The following IFT88 variants were observed in gnomAD, a reference collection of about 807,000 sequenced individuals.
IFT88 encodes the protein intraflagellar transport 88.
In IFT88, 74 loss-of-function variants were observed where a neutral mutation model predicts 119.5. The ratio of observed to expected loss-of-function variants is 0.62; its 90% confidence interval spans 0.51 to 0.75. The LOEUF is 0.75. Ranked by LOEUF, IFT88 falls within the 30% of genes least tolerant of loss-of-function variation. The probability of loss-of-function intolerance (pLI) is 0.00; values close to 1 mark genes in which losing one functional copy is unlikely to be tolerated. For missense variants in IFT88, 961 were observed against 977.7 expected, an observed-to-expected ratio of 0.98 and a Z score of 0.23; for synonymous variants, 279 against 316.7, an observed-to-expected ratio of 0.88 and a Z score of 1.26.
At chr13:20,683,988 C>T (rs2057610241) in intron 24 of IFT88, among the ~76,000 whole-genome samples, 1 of 152,212 alleles carries the variant, frequency 6.6e-6, no homozygotes, top group African/African-American at 2.4e-5. Flanking sequence ...ATCCTACCGT[C>T]CCCACTGGCA....
chr13:20,626,344 G>A (rs1408878980), intron 15 of IFT88, among the ~76,000 whole-genome samples: 1 of 152,114 alleles, frequency 6.6e-6, no homozygotes, highest in African/African-American at 2.4e-5. Flanking sequence ...ACAGGTGTGA[G>A]CCACCGCGCC....
chr13:20,655,580 A>G (rs1417792121), intron 21 of IFT88, among the ~76,000 whole-genome samples: 1 of 151,688 alleles, frequency 6.6e-6, no homozygotes, highest in Non-Finnish European at 1.5e-5. Flanking sequence ...TGCAACTTCC[A>G]CCTCCTGGGT....
chr13:20,604,381 GAT>G (rs1269632211), intron 12 of IFT88, among the ~76,000 whole-genome samples: 2 of 152,176 alleles, frequency 1.3e-5, no homozygotes, highest in African/African-American at 4.8e-5. Context: ...GGGGAGTAGA[GAT>G]ATGGATCATA....
intron 24 of IFT88, among the ~76,000 whole-genome samples, chr13:20,671,668 A>C (rs1193025776): frequency 6.6e-6 from 1 of 152,162 alleles, no homozygotes; most frequent in African/African-American, 2.4e-5. Context: ...TCAACAATCT[A>C]CCTTCTTTCT....
intron 20 of IFT88, among the ~76,000 whole-genome samples, chr13:20,651,513 G>A (rs907040100): frequency 6.0e-5 from 9 of 150,226 alleles, no homozygotes; most frequent in Admixed American, 2.7e-4. Flanking sequence ...TTATAGTAGC[G>A]AAAAGGTAGA....
chr13:20,593,535 CT>C lies in IFT88; in HGVS notation c.398+1139del, dbSNP rs906236460. ...AAATTGTAATTCTTTTTTTTTGTTT[CT>C]TTTTTTTATTTAAATTGTAATTCTT... On this transcript the variant is annotated intron_variant, in intron 7 of 25. Transcript: ENST00000351808. Among the ~76,000 whole-genome samples the C allele has an allele frequency of 4.0e-5, 6 of 150,812 alleles. No homozygotes were observed. The South Asian group carries it at 6.3e-4, about 16-fold the overall frequency.
intron 22 of IFT88, among the ~76,000 whole-genome samples, chr13:20,662,558 T>TA (rs1261427778): frequency 6.6e-6 from 1 of 152,204 alleles, no homozygotes; most frequent in Non-Finnish European, 1.5e-5. Flanking sequence ...GAAGGATGAG[T>TA]AATGAGTAAC....
chr13:20,579,009 G>A (rs1316749351), intron 2 of IFT88, among the ~76,000 whole-genome samples: 2 of 151,964 alleles, frequency 1.3e-5, no homozygotes, highest in African/African-American at 4.8e-5. Flanking sequence ...CTTTTGTATT[G>A]TTGTCTTTGA....
At chr13:20,663,674 G>T (rs1410982627) in intron 23 of IFT88, 70 bp downstream of exon 23, 1 of 1,066,486 alleles carries the variant, frequency 9.4e-7, no homozygotes, top group Non-Finnish European at 1.4e-6. Context: ...GCTCAAATGT[G>T]TGATGTTAGG....
At chr13:20,689,612 C>T (rs2058288382) in intron 24 of IFT88, among the ~76,000 whole-genome samples, 1 of 152,168 alleles carries the variant, frequency 6.6e-6, no homozygotes, top group African/African-American at 2.4e-5. Flanking sequence ...CACTCCCTGC[C>T]AACTTTGTTT....
At chr13:20,679,566 T>C (rs760904461) in intron 24 of IFT88, among the ~76,000 whole-genome samples, 1 of 152,196 alleles carries the variant, frequency 6.6e-6, no homozygotes, top group Non-Finnish European at 1.5e-5. Context: ...TGATCAGTAT[T>C]ATACAAGGAA....
intron 20 of IFT88, among the ~76,000 whole-genome samples, chr13:20,646,862 T>TC (rs1436634863): frequency 6.6e-6 from 1 of 150,842 alleles, no homozygotes; most frequent in African/African-American, 2.4e-5. Flanking sequence ...TTTTTTTTTT[T>TC]CTCTCTCTCT....
In IFT88 at chr13:20,656,427, G is replaced by A. The variant is rs2052816249; in HGVS notation, c.2065G>A (p.Glu689Lys). ...DTHRKFPENV[E>K]CLRFLVRLCT... ...TCACAGAAAATTTCCAGAAAATGTC[G>A]AATGTAAGTGGCATTACATAATGTA... The change falls in exon 22 of 26, where the codon GAA becomes AAA. Residue 689 changes from glutamate (E) to lysine (K), a missense_variant. Coordinates refer to ENST00000351808, the MANE Select transcript of IFT88 (RefSeq NM_006531.5). 6 of 1,467,484 alleles carry A rather than the reference G, an allele frequency of 4.1e-6. No homozygotes were observed. The highest frequency in any genetic ancestry group is 1.4e-5 in the African/African-American group (1 of 70,908). 90.9% of individuals were successfully genotyped at this position (1,467,484 alleles called of 1,614,324 possible).
In IFT88 at chr13:20,658,827, C is replaced by A. The variant is rs2053308337; in HGVS notation, c.2068+2397C>A. 6.6e-5 allele frequency among the ~76,000 whole-genome samples: 10 copies of A among 152,170 alleles called. No homozygotes were observed. In the South Asian group the frequency reaches 1.9e-3, roughly 28 times the overall value. ...TGCCAGTTGAGAACTCTTGAAGTAA[C>A]CATAGCACCTCTGCACCGGACCGGA... is the stretch of plus-strand genomic sequence containing the variant. On this transcript the variant is annotated intron_variant, in intron 22 of 25. Coordinates refer to ENST00000351808, the MANE Select transcript of IFT88 (RefSeq NM_006531.5).
At chr13:20,635,044 G>A (rs984936961) in intron 16 of IFT88, among the ~76,000 whole-genome samples, 1 of 147,000 alleles carries the variant, frequency 6.8e-6, no homozygotes, top group Non-Finnish European at 1.5e-5. Flanking sequence ...GTGAGAACAT[G>A]CAGTGTTTGG....
intron 3 of IFT88, among the ~76,000 whole-genome samples, chr13:20,587,718 T>C (rs966555057): frequency 4.6e-5 from 7 of 152,218 alleles, no homozygotes; most frequent in Non-Finnish European, 8.8e-5. Flanking sequence ...GAAGTATGCC[T>C]CTATCTCTAG....
chr13:20,677,336 C>T (rs1383190030), intron 24 of IFT88, among the ~76,000 whole-genome samples: 1 of 152,130 alleles, frequency 6.6e-6, no homozygotes, highest in Non-Finnish European at 1.5e-5. Context: ...GCAGCTGTAA[C>T]AATGTAAGAA....
At chr13:20,578,527 A>G (rs2037920059) in intron 2 of IFT88, among the ~76,000 whole-genome samples, 1 of 151,822 alleles carries the variant, frequency 6.6e-6, no homozygotes, top group Non-Finnish European at 1.5e-5. Context: ...GCTTCTAATG[A>G]TCCTTCAAAT....
intron 20 of IFT88, among the ~76,000 whole-genome samples, chr13:20,645,815 G>A (rs926703769): frequency 2.6e-5 from 4 of 152,128 alleles, no homozygotes; most frequent in Admixed American, 1.3e-4. Context: ...GAATGATAAA[G>A]AAATGCTTAA....
Sources: allele counts gnomAD v4.1 joint callset (sites outside exome capture counted in the v4.1 genomes callset), GRCh38; gene constraint gnomAD v4.1.1; transcripts MANE v1.5; gene names NCBI Gene and HGNC (gene_info 2026-07-23, HGNC 2026-07-21).